GSE1: variants seen among roughly 807,000 people sequenced by gnomAD.
GSE1 encodes the protein genetic suppressor element 1.
Under a neutral mutation model 112.6 loss-of-function variants are expected in GSE1, and 32 were observed. The observed-to-expected ratio is 0.28, with a 90% CI of 0.21 to 0.38. GSE1 has a LOEUF of 0.38. Among genes scored for constraint, GSE1 ranks in the 10% least tolerant of loss-of-function variants. GSE1 has a pLI of 1.00. For missense variants in GSE1, 2,348 were observed against 1,699.2 expected, an observed-to-expected ratio of 1.38 and a Z score of -6.71; for synonymous variants, 1,115 against 735.6, an observed-to-expected ratio of 1.52 and a Z score of -8.35.
intron 8 of GSE1, chr16:85,659,358 C>CT (rs2052239447): frequency 6.6e-6 from 1 of 152,138 alleles, no homozygotes; most frequent in South Asian, 2.1e-4. Flanking sequence ...GTATATCTCC[C>CT]TTTAAAAAAA....
chr16:85,331,807 C>T (rs1050493739), intron 1 of GSE1, among the ~76,000 whole-genome samples: 2 of 150,210 alleles, frequency 1.3e-5, no homozygotes, highest in African/African-American at 2.5e-5. Flanking sequence ...CTCAGCCTCC[C>T]GAAGTGCTGG....
At chr16:85,409,789 A>G (rs77879535) in intron 2 of GSE1, among the ~76,000 whole-genome samples, 23 of 2,796 alleles carry the variant, frequency 8.2e-3, no homozygotes, top group East Asian at 0.023. Context: ...GATAATCCTC[A>G]CCGTTACACT....
At chr16:85,453,789 C>T (rs1320905977) in intron 2 of GSE1, among the ~76,000 whole-genome samples, 1 of 152,210 alleles carries the variant, frequency 6.6e-6, no homozygotes, top group African/African-American at 2.4e-5. Flanking sequence ...CCCCATCCAG[C>T]TCTGGGCGGA....
At chr16:85,612,766 C>T (rs1482433843), upstream of GSE1, among the ~76,000 whole-genome samples, 5 of 152,150 alleles carry the variant, frequency 3.3e-5, no homozygotes, top group Non-Finnish European at 7.4e-5. Flanking sequence ...GCGCCACCAG[C>T]GCCCAGAAAG....
chr16:85,451,283 C>T (rs981842457), intron 2 of GSE1, among the ~76,000 whole-genome samples: 3 of 152,200 alleles, frequency 2.0e-5, no homozygotes, highest in Admixed American at 1.3e-4. Flanking sequence ...CCCCTGCACC[C>T]ACGGGTCTGT....
chr16:85,323,986 C>T (rs955784525), intron 1 of GSE1, among the ~76,000 whole-genome samples: 2 of 152,206 alleles, frequency 1.3e-5, no homozygotes, highest in African/African-American at 2.4e-5. Flanking sequence ...GATTCCTTTG[C>T]ACATGAAAGC....
At chr16:85,191,710 G>C (rs1228500027) in intron 1 of GSE1, among the ~76,000 whole-genome samples, 1 of 152,178 alleles carries the variant, frequency 6.6e-6, no homozygotes, top group East Asian at 1.9e-4. Flanking sequence ...GCCTGTGATG[G>C]GCTCCGAGTA....
At chr16:85,299,486 G>A (rs998855928) in intron 1 of GSE1, among the ~76,000 whole-genome samples, 5 of 152,356 alleles carry the variant, frequency 3.3e-5, no homozygotes, top group Admixed American at 1.3e-4. Context: ...GCCTGAGGTC[G>A]GAGGGAGCGT....
At chr16:85,330,916 C>T (rs1441800051) in intron 1 of GSE1, among the ~76,000 whole-genome samples, 1 of 152,110 alleles carries the variant, frequency 6.6e-6, no homozygotes, top group Non-Finnish European at 1.5e-5. Flanking sequence ...TCTTGTCTTG[C>T]TGCTTAAGAC....
At chr16:85,643,108 C>T (rs937908743) in intron 2 of GSE1, among the ~76,000 whole-genome samples, 10 of 152,182 alleles carry the variant, frequency 6.6e-5, no homozygotes, top group Non-Finnish European at 1.2e-4. Context: ...CCCTCGCTGA[C>T]TTTGGGGTGT....
intron 2 of GSE1, among the ~76,000 whole-genome samples, chr16:85,375,417 G>A (rs935195283): frequency 2.0e-5 from 3 of 152,184 alleles, no homozygotes; most frequent in Non-Finnish European, 2.9e-5. Context: ...GGCCCAGGGC[G>A]CCCATTAAGG....
At position 85,478,889 on chromosome 16, in the gene GSE1, TTC is replaced by T. The variant is rs1346146121; in HGVS notation, c.2464+121248_2464+121249del. ...TTTCTTTCTTTCTTTCTTTCTTTCT[TTC>T]TTTCTTTCTTTCTTTCTTTCTTTCT... On this transcript the variant is annotated intron_variant, in intron 2 of 2. Coordinates refer to the GSE1 transcript ENST00000637419. Among the ~76,000 whole-genome samples, 282 of 72,136 alleles carry T rather than the reference TTC, an allele frequency of 3.9e-3. 8 individuals are homozygous for T. The highest frequency in any genetic ancestry group is 0.012 in the African/African-American group (129 of 11,174). 47.3% of individuals were successfully genotyped at this position (72,136 alleles called of 152,430 possible). A position where few individuals can be genotyped will look rare whatever the true frequency, so the allele number is the denominator to read the frequency against.
intron 2 of GSE1, among the ~76,000 whole-genome samples, chr16:85,407,753 G>A (rs80276884): frequency 6.0e-5 from 1 of 16,682 alleles, no homozygotes; most frequent in African/African-American, 3.0e-4. Context: ...AATCCTCATT[G>A]TTACACTCAG....
chr16:85,457,200 T>C lies in GSE1; in HGVS notation c.2464+99557T>C, dbSNP rs13332132. On this transcript the variant is annotated intron_variant, in intron 2 of 2. Transcript: ENST00000637419. ...TGCATTGCACATAGCCAGATAAGGA[T>C]GAGGAGAGTGGAAGGGCAGAGGCCC... Among the ~76,000 whole-genome samples the C allele has an allele frequency of 2.0e-4, 30 of 152,008 alleles. 1 individual carries two copies. Among genetic ancestry groups the C allele is most frequent in the South Asian group, 1.2e-3 (6 of 4,814 alleles).
Position 85,634,199 on chromosome 16 carries a change from G to C in GSE1, c.226+67G>C, listed in dbSNP as rs919053302. ...TCCCGAGGCCGGGACTCAGCCTCCCGCCTGCGGCGTGCACGCTCACAGCAG... is the reference window on the plus strand; with the variant it reads ...TCCCGAGGCCGGGACTCAGCCTCCCCCCTGCGGCGTGCACGCTCACAGCAG... On this transcript the variant is annotated intron_variant, in intron 2 of 15. Transcript: ENST00000253458. 9 of 1,130,118 alleles carry C rather than the reference G, an allele frequency of 8.0e-6. No individual in the cohort carries two copies. In the East Asian group the frequency reaches 2.5e-4, roughly 31 times the overall value. The allele number at this position is 1,130,118 out of a possible 1,614,324, so 70.0% of individuals were successfully genotyped here.
chr16:85,334,990 C>T (rs976949239), intron 1 of GSE1, among the ~76,000 whole-genome samples: 1 of 152,228 alleles, frequency 6.6e-6, no homozygotes, highest in African/African-American at 2.4e-5. Context: ...TCCCGCCACC[C>T]CTGGAAGCCC....
chr16:85,582,017 A>C (rs1047076195), intron 1 of GSE1: 2 of 152,166 alleles, frequency 1.3e-5, no homozygotes, highest in African/African-American at 4.8e-5. Context: ...ACTGCCAGCT[A>C]CCTGGGGTGG....
intron 1 of GSE1, among the ~76,000 whole-genome samples, chr16:85,246,500 A>ACCCCCCCCCC (rs745863746): frequency 1.1e-4 from 2 of 18,500 alleles, no homozygotes; most frequent in Non-Finnish European, 2.2e-4. Context: ...CACTCTACAC[A>ACCCCCCCCCC]CCCCCCCCCC....
intron 1 of GSE1, among the ~76,000 whole-genome samples, chr16:85,211,059 G>T (rs2075216112): frequency 6.6e-6 from 1 of 152,226 alleles, no homozygotes; most frequent in African/African-American, 2.4e-5. Flanking sequence ...TGGCTGTGGG[G>T]CCCTTGAGTG....
Sources: gnomAD v4.1 joint callset for allele counts (sites outside exome capture counted in the v4.1 genomes callset) on GRCh38, gnomAD v4.1.1 for gene constraint, MANE v1.5 for transcripts, NCBI Gene and HGNC (gene_info 2026-07-23, HGNC 2026-07-21) for gene names.